Variants in ANOS1 observed in about 807,000 individuals in gnomAD.
ANOS1 encodes anosmin 1.
In ANOS1, 6 loss-of-function variants were observed where a neutral mutation model predicts 59.0. The observed-to-expected ratio is 0.10, with a 90% CI of 0.06 to 0.20. The LOEUF is 0.20. ANOS1 is among the 10% of genes least tolerant of loss of function. The probability of loss-of-function intolerance (pLI) is 1.00; values close to 1 mark genes in which losing one functional copy is unlikely to be tolerated. For missense variants in ANOS1, 433 were observed against 542.3 expected, an observed-to-expected ratio of 0.80 and a Z score of 2.00; for synonymous variants, 217 against 223.4, an observed-to-expected ratio of 0.97 and a Z score of 0.25.
chrX:8,641,338 G>A (rs1433389759), intron 2 of ANOS1, among the ~76,000 whole-genome samples: 2 of 112,010 alleles, frequency 1.8e-5, no homozygotes, highest in African/African-American at 3.2e-5. Flanking sequence ...CAGAAAGAGG[G>A]AAAAGGAGGT....
At chrX:8,653,677 A>G (rs1330227029) in intron 2 of ANOS1, among the ~76,000 whole-genome samples, 1 of 111,235 alleles carries the variant, frequency 9.0e-6, no homozygotes, top group Non-Finnish European at 1.9e-5. Flanking sequence ...ATCTGGCTCA[A>G]TTTTTCTCCC....
intron 3 of ANOS1, among the ~76,000 whole-genome samples, chrX:8,621,557 G>A (rs1320250629): frequency 2.7e-5 from 3 of 111,591 alleles, no homozygotes; most frequent in Non-Finnish European, 5.6e-5. Flanking sequence ...TGACCCACAA[G>A]CCTATAACAC....
chrX:8,530,338 T>C lies in ANOS1; in HGVS notation c.*2657A>G, dbSNP rs1426513595. On this transcript the variant is annotated 3_prime_UTR_variant, in exon 14 of 14. Transcript: ENST00000262648. The stretch of plus-strand genomic sequence containing the variant: ...TCTCACATTAGAGAAATGAATCTAA[T>C]TTCAATAAAACATATTACAGAATTA... 1 of 112,221 alleles carries C rather than the reference T, an allele frequency of 8.9e-6. No individual in the cohort carries two copies. Among genetic ancestry groups the C allele is most frequent in the Non-Finnish European group, 1.9e-5 (1 of 53,189 alleles). 9.2% of individuals were successfully genotyped at this position (112,221 alleles called of 1,213,427 possible).
At chrX:8,684,226 T>C (rs1217947245) in intron 2 of ANOS1, among the ~76,000 whole-genome samples, 4 of 111,675 alleles carry the variant, frequency 3.6e-5, no homozygotes, top group African/African-American at 1.3e-4. Flanking sequence ...GCCTTGGGTC[T>C]TGGAACTGCT....
In ANOS1 at chrX:8,553,867, GCTTGACATTTA is replaced by G. The variant is rs1929896083; in HGVS notation, c.1354+74_1354+84del. On this transcript the variant is annotated intron_variant, in intron 9 of 13. Transcript: ENST00000262648. ...CGTTTGCCTTAGTATTGATACTGTGGCTTGACATTTACTTCTTCAAAACTATCTCTATATTA... is the reference window on the plus strand; with the variant it reads ...CGTTTGCCTTAGTATTGATACTGTGGCTTCTTCAAAACTATCTCTATATTA... 1.3e-5 allele frequency: 12 copies of G among 928,239 alleles called. 1 individual carries two copies. Among genetic ancestry groups the G allele is most frequent in the Non-Finnish European group, 1.9e-5 (12 of 644,606 alleles). 76.5% of individuals were successfully genotyped at this position (928,239 alleles called of 1,213,427 possible).
At chrX:8,566,505 T>C (rs1930116891) in intron 8 of ANOS1, among the ~76,000 whole-genome samples, 1 of 111,236 alleles carries the variant, frequency 9.0e-6, no homozygotes, top group Non-Finnish European at 1.9e-5. Context: ...TACGTATATA[T>C]AGTGTATATA....
intron 2 of ANOS1, among the ~76,000 whole-genome samples, chrX:8,648,435 T>C (rs1365944427): frequency 1.2e-5 from 1 of 86,948 alleles, no homozygotes; most frequent in Non-Finnish European, 2.1e-5. Context: ...TACTCCAGCC[T>C]GGGGGACAAG....
chrX:8,666,645 G>A (rs189995134), intron 2 of ANOS1, among the ~76,000 whole-genome samples: 1 of 112,152 alleles, frequency 8.9e-6, no homozygotes, highest in East Asian at 2.8e-4. Flanking sequence ...TGGTATCTCA[G>A]ACACAGGGAT....
At chrX:8,561,275 C>T in intron 8 of ANOS1, among the ~76,000 whole-genome samples, 1 of 111,778 alleles carries the variant, frequency 8.9e-6, no homozygotes, top group Non-Finnish European at 1.9e-5. Flanking sequence ...GTGTGGATAA[C>T]TGAGAATCAT....
chrX:8,730,457 C>T (rs2146917908), intron 1 of ANOS1, among the ~76,000 whole-genome samples: 1 of 112,998 alleles, frequency 8.8e-6, no homozygotes, highest in African/African-American at 3.2e-5. Context: ...TGCACACTCG[C>T]GAACGCGCCA....
Position 8,590,043 on chromosome X carries a change from A to T in ANOS1, c.542-2065T>A, listed in dbSNP as rs151165425. On this transcript the variant is annotated intron_variant, in intron 4 of 13. Coordinates refer to ENST00000262648, the MANE Select transcript of ANOS1 (RefSeq NM_000216.4). ...CCTTGTTCCCAACCTATTTCCCTGC[A>T]TCTCAATCTCTTTTTCTACTGTCCC... is the stretch of plus-strand genomic sequence containing the variant. 1.8e-3 allele frequency among the ~76,000 whole-genome samples: 204 copies of T among 111,160 alleles called. 1 individual carries two copies. The highest frequency in any genetic ancestry group is 6.4e-3 in the African/African-American group (195 of 30,663).
intron 3 of ANOS1, among the ~76,000 whole-genome samples, chrX:8,610,033 A>AAAAAAAAAACAACAAC (rs1287806402): frequency 4.8e-5 from 4 of 82,703 alleles, no homozygotes; most frequent in Non-Finnish European, 6.9e-5. Context: ...AAAAAAAAAA[A>AAAAAAAAAACAACAAC]AACAACAACC....
chrX:8,699,623 C>A (rs969876653), intron 2 of ANOS1, 75 bp downstream of exon 2: 3 of 796,588 alleles, frequency 3.8e-6, no homozygotes, highest in African/African-American at 4.1e-5. Flanking sequence ...GCTGTCTTTG[C>A]AACTTACTGT....
chrX:8,726,751 G>C (rs1426771851), intron 1 of ANOS1, among the ~76,000 whole-genome samples: 2 of 112,169 alleles, frequency 1.8e-5, no homozygotes, highest in Non-Finnish European at 3.8e-5. Flanking sequence ...CAGAGGAGCA[G>C]GAGTGTCCAA....
chrX:8,619,511 G>T (rs973634994), intron 3 of ANOS1, among the ~76,000 whole-genome samples: 8 of 111,518 alleles, frequency 7.2e-5, no homozygotes, highest in Non-Finnish European at 1.5e-4. Context: ...GGCTGAGGCA[G>T]GAGAATTGCT....
intron 3 of ANOS1, among the ~76,000 whole-genome samples, chrX:8,613,019 C>G (rs6654876): frequency 0.029 from 3,299 of 111,911 alleles, 88 homozygotes; most frequent in African/African-American, 0.09. Flanking sequence ...TTCATTTAAC[C>G]TGAGTACATC....
intron 1 of ANOS1, among the ~76,000 whole-genome samples, chrX:8,720,443 A>C (rs1932867300): frequency 8.9e-6 from 1 of 112,342 alleles, no homozygotes; most frequent in Non-Finnish European, 1.9e-5. Context: ...ATTGACAAAA[A>C]CAAAAAAAGA....
chrX:8,722,701 T>C (rs924607306), intron 1 of ANOS1, among the ~76,000 whole-genome samples: 7 of 112,059 alleles, frequency 6.2e-5, no homozygotes, highest in Non-Finnish European at 1.1e-4. Flanking sequence ...TTTTTTCATA[T>C]AATGACTTAT....
intron 2 of ANOS1, among the ~76,000 whole-genome samples, chrX:8,683,287 G>A (rs1340016980): frequency 9.0e-6 from 1 of 110,987 alleles, no homozygotes; most frequent in Non-Finnish European, 1.9e-5. Flanking sequence ...TTTTTAGCTT[G>A]GGTGCTTAAG....
Sources: allele counts gnomAD v4.1 joint callset (sites outside exome capture counted in the v4.1 genomes callset), GRCh38; gene constraint gnomAD v4.1.1; transcripts MANE v1.5; gene names NCBI Gene and HGNC (gene_info 2026-07-23, HGNC 2026-07-21).